Variants in GRIP1 observed in about 807,000 individuals in gnomAD.
GRIP1 encodes the protein glutamate receptor interacting protein 1, also known as glutamate receptor-interacting protein 1.
In GRIP1, 45 loss-of-function variants were observed where a neutral mutation model predicts 129.9. The observed-to-expected ratio is 0.35, with a 90% CI of 0.27 to 0.44. The LOEUF is 0.44. Among genes scored for constraint, GRIP1 ranks in the 20% least tolerant of loss-of-function variants. The probability of loss-of-function intolerance (pLI) is 1.00; values close to 1 mark genes in which losing one functional copy is unlikely to be tolerated. For missense variants in GRIP1, 1,196 were observed against 1,396.8 expected (o/e 0.86, Z 2.29); for synonymous variants, 530 against 520.8 (o/e 1.02, Z -0.24).
chr12:66,986,206 AG>A (rs1285845782), intron 1 of GRIP1, among the ~76,000 whole-genome samples: 1 of 152,192 alleles, frequency 6.6e-6, no homozygotes, highest in South Asian at 2.1e-4. Context: ...GTGGAGAAAT[AG>A]GAACACTTTT....
At chr12:66,939,731 T>G (rs907864982) in intron 1 of GRIP1, among the ~76,000 whole-genome samples, 10 of 152,200 alleles carry the variant, frequency 6.6e-5, no homozygotes, top group Admixed American at 6.5e-4. Context: ...ACCATGGAGT[T>G]CTCTAGGTAT....
At position 66,944,633 on chromosome 12, in the gene GRIP1, G is replaced by A. The variant is rs539209039; in HGVS notation, c.58+124417C>T. On this transcript the variant is annotated intron_variant, in intron 1 of 1. Transcript: ENST00000643019. ...GAGGAGCTGATGGAAAGAGGGTAGG[G>A]GTGAAAACAGGAAGGTAACACATAA... is the stretch of plus-strand genomic sequence containing the variant. 5.9e-5 allele frequency among the ~76,000 whole-genome samples: 9 copies of A among 152,096 alleles called. No individual in the cohort carries two copies. The South Asian group carries it at 1.7e-3, about 28-fold the overall frequency.
At chr12:66,439,677 C>T (rs2058417098) in intron 13 of GRIP1, among the ~76,000 whole-genome samples, 2 of 152,168 alleles carry the variant, frequency 1.3e-5, no homozygotes, top group South Asian at 4.1e-4. Context: ...ATTTGATGCA[C>T]ACACCACGTT....
chr12:66,553,263 G>A (rs1483834644), intron 2 of GRIP1, among the ~76,000 whole-genome samples: 1 of 152,060 alleles, frequency 6.6e-6, no homozygotes, highest in African/African-American at 2.4e-5. Flanking sequence ...TCTTACCCAA[G>A]TATAACTATC....
intron 1 of GRIP1, among the ~76,000 whole-genome samples, chr12:66,862,344 C>A (rs1254931754): frequency 6.6e-6 from 1 of 152,004 alleles, no homozygotes; most frequent in African/African-American, 2.4e-5. Context: ...GAAAAAAGAA[C>A]CTGGGACTCC....
chr12:66,804,300 A>G, upstream of GRIP1: 1 of 285,408 alleles, frequency 3.5e-6, no homozygotes, highest in Non-Finnish European at 7.2e-6. Context: ...CAGGACAGCT[A>G]CCCTTCTATC....
chr12:66,493,823 T>G (rs1364360300), intron 7 of GRIP1, among the ~76,000 whole-genome samples: 1 of 152,182 alleles, frequency 6.6e-6, no homozygotes, highest in Non-Finnish European at 1.5e-5. Context: ...CTTTATTATG[T>G]TAAGAAGTGA....
chr12:66,628,254 CT>C (rs922068552), intron 1 of GRIP1, among the ~76,000 whole-genome samples: 1 of 152,164 alleles, frequency 6.6e-6, no homozygotes, highest in Admixed American at 6.5e-5. Flanking sequence ...AATTTTATAT[CT>C]CTAGAGCTCA....
At chr12:66,649,051 T>C (rs1210550952) in intron 1 of GRIP1, among the ~76,000 whole-genome samples, 1 of 152,164 alleles carries the variant, frequency 6.6e-6, no homozygotes, top group Non-Finnish European at 1.5e-5. Flanking sequence ...AAGAAGAAAG[T>C]GAACATTCTT....
chr12:66,542,186 T>C (rs1238305681), intron 2 of GRIP1, among the ~76,000 whole-genome samples: 1 of 151,932 alleles, frequency 6.6e-6, no homozygotes, highest in Non-Finnish European at 1.5e-5. Context: ...AGGTTGACAA[T>C]AGTCCAAATT....
chr12:66,823,216 T>C (rs926231477), intron 1 of GRIP1, among the ~76,000 whole-genome samples: 2 of 152,172 alleles, frequency 1.3e-5, no homozygotes, highest in African/African-American at 4.8e-5. Context: ...TCTGATTACA[T>C]AATCCTCAGA....
intron 1 of GRIP1, among the ~76,000 whole-genome samples, chr12:66,928,498 A>G (rs1052928059): frequency 3.9e-5 from 6 of 152,064 alleles, no homozygotes; most frequent in Non-Finnish European, 8.8e-5. Flanking sequence ...GCAACATAAA[A>G]TAATCTACTT....
chr12:66,891,351 T>TAGCAGAGC (rs1297155972), intron 1 of GRIP1, among the ~76,000 whole-genome samples: 3 of 152,174 alleles, frequency 2.0e-5, no homozygotes, highest in Admixed American at 1.3e-4. Flanking sequence ...ATCAAGAACC[T>TAGCAGAGC]AGCAGAGCAG....
intron 1 of GRIP1, among the ~76,000 whole-genome samples, chr12:66,936,012 G>GAAAC (rs199751270): frequency 6.6e-6 from 1 of 152,106 alleles, no homozygotes; most frequent in Non-Finnish European, 1.5e-5. Context: ...ACCATGTAAT[G>GAAAC]AAACAAACAA....
At chr12:66,391,551 C>A (rs1193441062) in intron 19 of GRIP1, among the ~76,000 whole-genome samples, 1 of 152,074 alleles carries the variant, frequency 6.6e-6, no homozygotes, top group Non-Finnish European at 1.5e-5. Flanking sequence ...TTATAGTGCT[C>A]TAATTATAAA....
intron 18 of GRIP1, 26 bp from the exon 19 acceptor site, chr12:66,392,528 G>A (rs1375952719): frequency 6.2e-7 from 1 of 1,605,226 alleles, no homozygotes. Context: ...AGGAGTTTAA[G>A]TATCAGAGTA....
intron 5 of GRIP1, among the ~76,000 whole-genome samples, 160 bp downstream of exon 5, chr12:66,529,671 A>G (rs1164875527): frequency 6.6e-6 from 1 of 152,196 alleles, no homozygotes; most frequent in Non-Finnish European, 1.5e-5. Context: ...AAGGCTACAA[A>G]TTGGGTTCAG....
At chr12:66,734,911 AT>A (rs1338489461) in intron 1 of GRIP1, among the ~76,000 whole-genome samples, 2 of 152,236 alleles carry the variant, frequency 1.3e-5, no homozygotes. Context: ...TCAAGCCTCA[AT>A]TATGGTAATA....
intron 1 of GRIP1, among the ~76,000 whole-genome samples, chr12:66,656,249 C>A (rs966938207): frequency 6.6e-6 from 1 of 152,136 alleles, no homozygotes; most frequent in South Asian, 2.1e-4. Context: ...TGGAAACTGG[C>A]AGCCACAGGC....
Sources: allele counts gnomAD v4.1 joint callset (sites outside exome capture counted in the v4.1 genomes callset), GRCh38; gene constraint gnomAD v4.1.1; transcripts MANE v1.5; gene names NCBI Gene and HGNC (gene_info 2026-07-23, HGNC 2026-07-21).